SLCO2B1: variants seen among roughly 807,000 people sequenced by gnomAD.
The protein encoded by SLCO2B1 is OATP-RP2.
Under a neutral mutation model 67.3 loss-of-function variants are expected in SLCO2B1, and 41 were observed. That is an observed-to-expected ratio of 0.61 (90% confidence interval 0.47 to 0.79). The LOEUF is 0.79. Among genes scored for constraint, SLCO2B1 ranks in the 30% least tolerant of loss-of-function variants. The pLI is 0.00. For missense variants in SLCO2B1, 837 were observed against 920.1 expected, an observed-to-expected ratio of 0.91 and a Z score of 1.17; for synonymous variants, 379 against 381.4, an observed-to-expected ratio of 0.99 and a Z score of 0.07.
chr11:75,183,536 T>C (rs188589034), intron 7 of SLCO2B1, among the ~76,000 whole-genome samples: 6 of 152,232 alleles, frequency 3.9e-5, no homozygotes, highest in Non-Finnish European at 5.9e-5. Context: ...TATGAGTTGT[T>C]TTTTTTGAGT....
At position 75,182,434 on chromosome 11, in the gene SLCO2B1, G is replaced by A. The variant is rs546867600; in HGVS notation, c.973-5702G>A. Among the ~76,000 whole-genome samples the A allele has an allele frequency of 7.2e-5, 11 of 152,328 alleles. No individual in the cohort carries two copies. In the South Asian group the frequency reaches 2.3e-3, roughly 32 times the overall value. On this transcript the variant is annotated intron_variant, in intron 7 of 13. Coordinates refer to ENST00000289575, the MANE Select transcript of SLCO2B1 (RefSeq NM_007256.5). ...AGACAGACCATTGTGGGAATTAAATGACATGATGGATATGAAAGTGCAGTG... is the reference window on the plus strand; with the variant it reads ...AGACAGACCATTGTGGGAATTAAATAACATGATGGATATGAAAGTGCAGTG...
intron 9 of SLCO2B1, 167 bp from the exon 10 acceptor site, chr11:75,196,347 C>T: frequency 1.5e-6 from 1 of 652,678 alleles, no homozygotes; most frequent in Non-Finnish European, 2.6e-6. Flanking sequence ...ACCTTCATTG[C>T]AAGGAGCTCA....
In SLCO2B1 at chr11:75,204,380, G is replaced by A; in HGVS notation, c.1950-20G>A. 1.3e-6 allele frequency: 2 copies of A among 1,582,518 alleles called. No homozygotes were observed. Among genetic ancestry groups the A allele is most frequent in the Non-Finnish European group, 1.7e-6 (2 of 1,164,054 alleles). ...TGGCCTGGCAGCTCTTGAGTTCAAG[G>A]GTCCCCATTCTTTCCCCAGGTTCAT... On this transcript the variant is annotated intron_variant, in intron 13 of 13. Transcript: ENST00000289575.
In SLCO2B1 at chr11:75,151,209, T is replaced by C; in HGVS notation, c.-173T>C. On this transcript the variant is annotated 5_prime_UTR_variant, in exon 1 of 14. Coordinates refer to ENST00000289575, the MANE Select transcript of SLCO2B1 (RefSeq NM_007256.5). ...GTCTGGACAAGTCTGATGTCCTGTG[T>C]GGCCCAAGAAGAACTGACCCCGTGT... 1.6e-6 allele frequency: 1 copy of C among 614,854 alleles called. No individual in the cohort carries two copies. The highest frequency in any genetic ancestry group is 2.9e-6 in the Non-Finnish European group (1 of 344,418). The allele number at this position is 614,854 out of a possible 1,614,324, so 38.1% of individuals were successfully genotyped here.
chr11:75,191,973 T>G (rs1426811218), intron 8 of SLCO2B1, among the ~76,000 whole-genome samples: 1 of 152,186 alleles, frequency 6.6e-6, no homozygotes. Context: ...AGGCACCATT[T>G]TAGGAGCTAG....
At chr11:75,180,767 T>C (rs1207067329) in intron 7 of SLCO2B1, among the ~76,000 whole-genome samples, 1 of 152,214 alleles carries the variant, frequency 6.6e-6, no homozygotes, top group Non-Finnish European at 1.5e-5. Context: ...GATGATCTCA[T>C]TTAGTCCCCA....
intron 2 of SLCO2B1, 43 bp from the exon 3 acceptor site, chr11:75,163,920 C>G: frequency 6.4e-7 from 1 of 1,563,596 alleles, no homozygotes; most frequent in Non-Finnish European, 8.7e-7. Context: ...CTTTGTCTCC[C>G]CCTGCACCGC....
chr11:75,170,650 T>C (rs921269700), intron 6 of SLCO2B1, among the ~76,000 whole-genome samples: 13 of 152,138 alleles, frequency 8.5e-5, no homozygotes, highest in Non-Finnish European at 1.3e-4. Context: ...TCCCCAGCTT[T>C]TGCCCACAAG....
At chr11:75,204,194 G>C (rs1422462383) in intron 13 of SLCO2B1, 1 of 508,802 alleles carries the variant, frequency 2.0e-6, no homozygotes, top group Non-Finnish European at 3.4e-6. Flanking sequence ...CAGAGTCCAG[G>C]ACAGGGCGAT....
At chr11:75,161,634 G>A (rs1197731932) in intron 1 of SLCO2B1, among the ~76,000 whole-genome samples, 1 of 152,160 alleles carries the variant, frequency 6.6e-6, no homozygotes, top group African/African-American at 2.4e-5. Context: ...AAAGCATGCT[G>A]AGTGAAAGGA....
chr11:75,177,084 T>A (rs1950034867), intron 7 of SLCO2B1, among the ~76,000 whole-genome samples: 1 of 152,026 alleles, frequency 6.6e-6, no homozygotes, highest in Non-Finnish European at 1.5e-5. Context: ...TGAGTGGTTT[T>A]TCGAATTGAA....
chr11:75,182,121 C>T (rs975725365), intron 7 of SLCO2B1, among the ~76,000 whole-genome samples: 43 of 152,228 alleles, frequency 2.8e-4, no homozygotes, highest in African/African-American at 9.9e-4. Flanking sequence ...ACCTCCACCA[C>T]CGTGCCTCTG....
rs1181018840 is a variant in SLCO2B1 at position 75,205,904 on chromosome 11, A to G, written c.*1324A>G. On this transcript the variant is annotated 3_prime_UTR_variant, in exon 14 of 14. Transcript: ENST00000289575. Reference sequence around the variant, plus strand: ...GGGAGGCAGCAGACAGGGAGCCACCAGCAGTGGCTTCCTGGCCCTGTGCTG... The same window carrying G: ...GGGAGGCAGCAGACAGGGAGCCACCGGCAGTGGCTTCCTGGCCCTGTGCTG... The G allele has an allele frequency of 6.6e-6, 1 of 152,188 alleles. No homozygotes were observed. The highest frequency in any genetic ancestry group is 2.4e-5 in the African/African-American group (1 of 41,450). The allele number at this position is 152,188 out of a possible 1,614,324, so 9.4% of individuals were successfully genotyped here. A position where few individuals can be genotyped will look rare whatever the true frequency, so the allele number is the denominator to read the frequency against.
At position 75,169,324 on chromosome 11, in the gene SLCO2B1, C is replaced by T. The variant is rs377450276; in HGVS notation, c.600C>T (p.Gly200=). The T allele has an allele frequency of 3.2e-5, 51 of 1,613,990 alleles. No individual in the cohort carries two copies. The East Asian group carries it at 4.0e-4, about 13-fold the overall frequency. ...GIMFVAQTLL[G]VGGVPIQPFG... ...TGTTCGTGGCACAGACCCTGCTGGG[C>T]GTGGGCGGGGTGCCCATTCAGCCCT... is the stretch of plus-strand genomic sequence containing the variant. Residue 200 remains glycine (G), a synonymous_variant, in exon 5 of 14, where the codon GGC becomes GGT. Transcript: ENST00000289575.
intron 9 of SLCO2B1, among the ~76,000 whole-genome samples, chr11:75,195,279 T>C (rs1348253299): frequency 6.6e-6 from 1 of 152,196 alleles, no homozygotes; most frequent in Non-Finnish European, 1.5e-5. Context: ...CAGAGGGTTC[T>C]GGGAAGTGCT....
chr11:75,200,368 T>C lies in SLCO2B1; in HGVS notation c.1744T>C (p.Ser582Pro). The C allele has an allele frequency of 6.2e-7, 1 of 1,606,018 alleles. No homozygotes were observed. The highest frequency in any genetic ancestry group is 8.5e-7 in the Non-Finnish European group (1 of 1,175,402). ...CCTGGCCTGTCTCACCCACACACCCTCCTTCATGCTCATCCTAAGGTGAAG... is the reference window on the plus strand; with the variant it reads ...CCTGGCCTGTCTCACCCACACACCCCCCTTCATGCTCATCCTAAGGTGAAG... The part of the protein sequence containing the change: ...SALACLTHTP[S>P]FMLILRGVKK... The change falls in exon 11 of 14, where the codon TCC becomes CCC. Residue 582 changes from serine to proline, a missense_variant. Transcript: ENST00000289575.
At chr11:75,202,825 C>T (rs1945202944) in intron 11 of SLCO2B1, 76 bp from the exon 12 acceptor site, 1 of 1,258,828 alleles carries the variant, frequency 7.9e-7, no homozygotes, top group Non-Finnish European at 1.2e-6. Context: ...ATAATAAGAA[C>T]CCTTCAACGT....
At chr11:75,152,042 T>C (rs944401368) in intron 1 of SLCO2B1, among the ~76,000 whole-genome samples, 1 of 152,146 alleles carries the variant, frequency 6.6e-6, no homozygotes, top group Admixed American at 6.5e-5. Flanking sequence ...GAGACCTGCA[T>C]GGGTCTCTGT....
At position 75,193,469 on chromosome 11, in the gene SLCO2B1, G is replaced by A. The variant is rs752593740; in HGVS notation, c.1327G>A (p.Gly443Ser). Residue 443 changes from glycine to serine, a missense_variant, in exon 9 of 14, where the codon GGT (glycine) becomes AGT (serine). By Grantham distance (56) the Gly-to-Ser change is moderately conservative (BLOSUM62 0). Transcript: ENST00000289575. The surrounding 1 kb of genome is among the most constrained non-coding windows in gnomAD (Gnocchi z 4.2). ...KRLHLGPVGC[G>S]ALCLLGMLLC... Reference sequence around the variant, plus strand: ...GCTCCACCTGGGCCCTGTGGGATGCGGTGCCCTTTGCCTGCTGGGGATGCT... The same window carrying A: ...GCTCCACCTGGGCCCTGTGGGATGCAGTGCCCTTTGCCTGCTGGGGATGCT... 2.7e-5 allele frequency: 44 copies of A among 1,611,512 alleles called. 2 individuals are homozygous for A. The South Asian group carries it at 2.7e-4, about 10-fold the overall frequency.
Sources: allele counts gnomAD v4.1 joint callset (sites outside exome capture counted in the v4.1 genomes callset), GRCh38; gene constraint gnomAD v4.1.1; non-coding constraint Gnocchi (gnomAD v3.1); transcripts MANE v1.5; gene names NCBI Gene and HGNC (gene_info 2026-07-23, HGNC 2026-07-21).